TAS2R1: variants seen among roughly 807,000 people sequenced by gnomAD.
TAS2R1 encodes the protein taste receptor type 2 member 1.
For synonymous variants in TAS2R1, 141 were observed against 134.2 expected (o/e 1.05, Z -0.35); for missense variants, 370 against 353.4 (o/e 1.05, Z -0.38).
At chr5:9,639,980 A>G (rs1171584914) in intron 2 of TAS2R1, among the ~76,000 whole-genome samples, 1 of 151,988 alleles carries the variant, frequency 6.6e-6, no homozygotes. Flanking sequence ...AGCACTTTTA[A>G]TTTTCTTCAA....
upstream of TAS2R1, among the ~76,000 whole-genome samples, chr5:9,714,882 CTATAT>C (rs1165606048): frequency 6.6e-6 from 1 of 152,196 alleles, no homozygotes; most frequent in Non-Finnish European, 1.5e-5. Flanking sequence ...GTATATACAC[CTATAT>C]TATGTGTGCA....
chr5:9,681,969 T>C (rs181659246), intron 1 of TAS2R1, among the ~76,000 whole-genome samples: 8 of 152,314 alleles, frequency 5.3e-5, no homozygotes, highest in African/African-American at 1.4e-4. Flanking sequence ...TCTCTGGTTG[T>C]TTTAATTGCC....
At chr5:9,810,900 C>G in the TAS2R1 span, among the ~76,000 whole-genome samples, 3 of 152,144 alleles carry the variant, frequency 2.0e-5, no homozygotes, top group Non-Finnish European at 4.4e-5. Flanking sequence ...CCAGAGAAAG[C>G]TCCTATCTGT....
upstream of TAS2R1, among the ~76,000 whole-genome samples, chr5:9,632,852 G>A (rs1284267846): frequency 6.6e-6 from 1 of 151,764 alleles, no homozygotes; most frequent in African/African-American, 2.4e-5. Context: ...GAGGTTTGGA[G>A]TCAAATTCTT....
At chr5:9,718,265 A>T in the TAS2R1 span, among the ~76,000 whole-genome samples, 7 of 149,646 alleles carry the variant, frequency 4.7e-5, no homozygotes, top group African/African-American at 1.7e-4. Flanking sequence ...CACTGCGCCC[A>T]GCCACCATAA....
At chr5:9,863,693 C>T in the TAS2R1 span, among the ~76,000 whole-genome samples, 1 of 152,178 alleles carries the variant, frequency 6.6e-6, no homozygotes, top group Non-Finnish European at 1.5e-5. Flanking sequence ...ACTCCAAACC[C>T]AGGGCTTCAT....
chr5:9,813,106 T>C, the TAS2R1 span, among the ~76,000 whole-genome samples: 2,820 of 152,224 alleles, frequency 0.019, 93 homozygotes, highest in African/African-American at 0.063. Context: ...ACAAGGACCT[T>C]ATCTAATATG....
At chr5:9,830,598 TGC>T in the TAS2R1 span, among the ~76,000 whole-genome samples, 11 of 106,350 alleles carry the variant, frequency 1.0e-4, no homozygotes, top group East Asian at 6.1e-4. Context: ...GATAGACACG[TGC>T]GCGCGCACAC....
At chr5:9,752,980 G>A in the TAS2R1 span, among the ~76,000 whole-genome samples, 2 of 152,120 alleles carry the variant, frequency 1.3e-5, no homozygotes, top group African/African-American at 4.8e-5. Flanking sequence ...CCAAGTCTTT[G>A]CTATTGTGAA....
intron 1 of TAS2R1, among the ~76,000 whole-genome samples, chr5:9,668,912 T>C (rs1740695927): frequency 6.6e-6 from 1 of 151,586 alleles, no homozygotes; most frequent in Admixed American, 6.6e-5. Flanking sequence ...CTTGCACATA[T>C]CAATATTAAC....
intron 2 of TAS2R1, among the ~76,000 whole-genome samples, chr5:9,636,429 T>C (rs1739965562): frequency 6.6e-6 from 1 of 152,176 alleles, no homozygotes; most frequent in Non-Finnish European, 1.5e-5. Context: ...TTTGGTAGAA[T>C]GTTCTGTAAA....
At chr5:9,659,264 T>A (rs764048764) in intron 2 of TAS2R1, among the ~76,000 whole-genome samples, 4 of 152,088 alleles carry the variant, frequency 2.6e-5, no homozygotes, top group Non-Finnish European at 5.9e-5. Context: ...ATGAGTAGTA[T>A]CCCTCTCTCT....
chr5:9,667,265 G>C (rs1284625666), intron 1 of TAS2R1, among the ~76,000 whole-genome samples: 1 of 152,156 alleles, frequency 6.6e-6, no homozygotes, highest in African/African-American at 2.4e-5. Context: ...ATGGCAGGGT[G>C]GGCAACTCTA....
the TAS2R1 span, among the ~76,000 whole-genome samples, chr5:9,834,478 A>T: frequency 6.6e-6 from 1 of 152,246 alleles, no homozygotes; most frequent in Non-Finnish European, 1.5e-5. Flanking sequence ...ACATAAAAAC[A>T]GTTTTAAAAA....
At chr5:9,727,647 C>T in the TAS2R1 span, among the ~76,000 whole-genome samples, 1 of 152,186 alleles carries the variant, frequency 6.6e-6, no homozygotes. Context: ...GCACTGGTGT[C>T]CAACCCACAC....
intron 2 of TAS2R1, among the ~76,000 whole-genome samples, chr5:9,636,996 T>C (rs1579762173): frequency 1.4e-5 from 2 of 143,704 alleles, no homozygotes; most frequent in South Asian, 2.2e-4. Context: ...TTTTTTTTTT[T>C]CCATTGTGTT....
intron 1 of TAS2R1, among the ~76,000 whole-genome samples, chr5:9,700,232 G>A (rs540554656): frequency 2.6e-5 from 4 of 152,166 alleles, no homozygotes; most frequent in African/African-American, 9.6e-5. Context: ...ATCCAGCTTA[G>A]GGTTCCTAAC....
intron 1 of TAS2R1, among the ~76,000 whole-genome samples, chr5:9,666,322 A>G (rs1214388975): frequency 6.6e-6 from 1 of 152,160 alleles, no homozygotes; most frequent in African/African-American, 2.4e-5. Flanking sequence ...TGACATAACA[A>G]TAGATGCTGG....
At chr5:9,881,871 A>C in the TAS2R1 span, among the ~76,000 whole-genome samples, 2 of 152,378 alleles carry the variant, frequency 1.3e-5, no homozygotes, top group Non-Finnish European at 2.9e-5. Flanking sequence ...GATGGATTAA[A>C]GACTTAAATG....
Sources: gnomAD v4.1 joint callset for allele counts (sites outside exome capture counted in the v4.1 genomes callset) on GRCh38, gnomAD v4.1.1 for gene constraint, MANE v1.5 for transcripts, NCBI Gene and HGNC (gene_info 2026-07-23, HGNC 2026-07-21) for gene names.